The following CHAF1A variants were observed in gnomAD, a reference collection of about 807,000 sequenced individuals.
CHAF1A encodes the protein chromatin assembly factor 1 subunit A.
Under a neutral mutation model 93.2 loss-of-function variants are expected in CHAF1A, and 5 were observed. The ratio of observed to expected loss-of-function variants is 0.05; its 90% CI spans 0.03 to 0.11. The LOEUF is 0.11. CHAF1A is among the 10% of genes least tolerant of loss of function. The pLI is 1.00. For synonymous variants in CHAF1A, 504 were observed against 510.3 expected, an observed-to-expected ratio of 0.99 and a Z score of 0.17; for missense variants, 1,102 against 1,259.9, an observed-to-expected ratio of 0.87 and a Z score of 1.90.
chr19:4,432,448 G>T (rs953842986), intron 12 of CHAF1A, among the ~76,000 whole-genome samples: 1 of 152,128 alleles, frequency 6.6e-6, no homozygotes, highest in Non-Finnish European at 1.5e-5. Flanking sequence ...GTGCTGGAGT[G>T]GGGGCTGTGC....
Position 4,409,555 on chromosome 19 carries a change from A to G in CHAF1A, c.756A>G (p.Gln252=), listed in dbSNP as rs1286828364. The G allele has an allele frequency of 6.2e-6, 10 of 1,614,062 alleles. No homozygotes were observed. Among genetic ancestry groups the G allele is most frequent in the Non-Finnish European group, 7.6e-6 (9 of 1,179,986 alleles). The change falls in exon 3 of 15, where the codon CAA becomes CAG. Residue 252 remains glutamine, a synonymous_variant. Coordinates refer to ENST00000301280, the MANE Select transcript of CHAF1A (RefSeq NM_005483.3). ...ACATCTTGGCTGTGAGACCACCGCA[A>G]ATCAAGTCCCTTCCAGCCACACCCC... ...LQDILAVRPP[Q]IKSLPATPQG...
chr19:4,429,627 C>G, intron 9 of CHAF1A, 21 bp downstream of exon 9: 1 of 1,614,102 alleles, frequency 6.2e-7, no homozygotes. Flanking sequence ...CCCAGAGTGC[C>G]TCCGTCCCCG....
chr19:4,404,380 A>G (rs1311574883), intron 1 of CHAF1A, among the ~76,000 whole-genome samples: 1 of 152,180 alleles, frequency 6.6e-6, no homozygotes, highest in African/African-American at 2.4e-5. Context: ...CACTTGCACC[A>G]AAGCTAGTGA....
intron 7 of CHAF1A, among the ~76,000 whole-genome samples, chr19:4,426,509 T>C (rs1974084230): frequency 6.9e-6 from 1 of 145,954 alleles, no homozygotes; most frequent in Non-Finnish European, 1.5e-5. Context: ...AAAGTTTCGC[T>C]CATTGCCCAG....
Position 4,409,549 on chromosome 19 carries a change from A to G in CHAF1A, c.750A>G (p.Pro250=). 2.0e-5 allele frequency: 33 copies of G among 1,613,940 alleles called. No homozygotes were observed. The highest frequency in any genetic ancestry group is 2.8e-5 in the Non-Finnish European group (33 of 1,179,972). The change falls in exon 3 of 15, where the codon CCA becomes CCG. Residue 250 remains proline, a synonymous_variant. Coordinates refer to ENST00000301280, the MANE Select transcript of CHAF1A (RefSeq NM_005483.3). The stretch of plus-strand genomic sequence containing the variant: ...TGCAGGACATCTTGGCTGTGAGACC[A>G]CCGCAAATCAAGTCCCTTCCAGCCA... ...VVLQDILAVR[P]PQIKSLPATP...
chr19:4,446,435 C>A (rs243388), downstream of CHAF1A: 1 of 1,577,968 alleles, frequency 6.3e-7, no homozygotes, highest in South Asian at 1.1e-5. Context: ...GGCCAGGTCA[C>A]GAGGGCTGGC....
downstream of CHAF1A, chr19:4,446,530 G>A (rs1360520069): frequency 1.9e-6 from 3 of 1,611,730 alleles, no homozygotes; most frequent in Non-Finnish European, 8.5e-7. Flanking sequence ...GATCTCCTCT[G>A]CTGTGAGGTT....
At chr19:4,432,354 G>T (rs1250293050) in intron 12 of CHAF1A, 147 bp downstream of exon 12, 1 of 948,268 alleles carries the variant, frequency 1.1e-6, no homozygotes, top group Admixed American at 2.9e-5. Context: ...GTACATGTCC[G>T]TACGTTCAAT....
chr19:4,406,015 G>A (rs1599635303), intron 2 of CHAF1A, 53 bp downstream of exon 2: 3 of 1,453,572 alleles, frequency 2.1e-6, no homozygotes, highest in East Asian at 2.3e-5. Context: ...AGTCTTCCTT[G>A]TCTCTTGTTG....
chr19:4,445,986 G>T, downstream of CHAF1A: 1 of 1,538,006 alleles, frequency 6.5e-7, no homozygotes. Flanking sequence ...GGGTGTCTGT[G>T]CCGGTCCCAG....
Position 4,443,391 on chromosome 19 carries a change from G to T in CHAF1A, c.*366G>T, listed in dbSNP as rs372928116. ...AGGCAGTGTATAAACTTATTCTCTAGCCCTGAGCTGCTCTGTCTGTCTTTT... is the reference window on the plus strand; with the variant it reads ...AGGCAGTGTATAAACTTATTCTCTATCCCTGAGCTGCTCTGTCTGTCTTTT... On this transcript the variant is annotated 3_prime_UTR_variant, in exon 15 of 15. Coordinates refer to ENST00000301280, the MANE Select transcript of CHAF1A (RefSeq NM_005483.3). 3 of 241,718 alleles carry T rather than the reference G, an allele frequency of 1.2e-5. No individual in the cohort carries two copies. The highest frequency in any genetic ancestry group is 2.4e-5 in the Non-Finnish European group (3 of 122,606). 15.0% of individuals were successfully genotyped at this position (241,718 alleles called of 1,614,324 possible).
At chr19:4,423,423 G>A (rs776392969) in intron 6 of CHAF1A, 28 bp downstream of exon 6, 20 of 1,611,994 alleles carry the variant, frequency 1.2e-5, no homozygotes, top group South Asian at 3.3e-5. Flanking sequence ...GAGCTTCCCC[G>A]TCCCAGCCCG....
downstream of CHAF1A, chr19:4,445,300 C>A: frequency 1.2e-6 from 1 of 850,144 alleles, no homozygotes; most frequent in South Asian, 1.7e-5. Flanking sequence ...GGGGCTTGGG[C>A]GCATCCCCAC....
At chr19:4,426,839 T>C (rs1974091456) in intron 7 of CHAF1A, among the ~76,000 whole-genome samples, 1 of 152,004 alleles carries the variant, frequency 6.6e-6, no homozygotes, top group Non-Finnish European at 1.5e-5. Context: ...GCCTGTAATC[T>C]CAGCATTTGG....
intron 3 of CHAF1A, among the ~76,000 whole-genome samples, chr19:4,410,894 T>C (rs1363608722): frequency 6.6e-6 from 1 of 152,246 alleles, no homozygotes; most frequent in East Asian, 1.9e-4. Context: ...TTGCATGGTC[T>C]GTCTCTGTTA....
Position 4,409,174 on chromosome 19 carries a change from G to A in CHAF1A, c.375G>A (p.Glu125=). The A allele has an allele frequency of 6.2e-7, 1 of 1,614,204 alleles. No individual in the cohort carries two copies. The highest frequency in any genetic ancestry group is 1.6e-4 in the Middle Eastern group (1 of 6,062). The part of the protein sequence containing the change: ...VIIDLTEDSN[E]QPDSLVDHNK... ...TTGATTTGACAGAGGACTCGAATGAGCAGCCAGACAGTCTTGTGGACCACA... is the reference window on the plus strand; with the variant it reads ...TTGATTTGACAGAGGACTCGAATGAACAGCCAGACAGTCTTGTGGACCACA... The change falls in exon 3 of 15, where the codon GAG becomes GAA. Residue 125 remains glutamate, a synonymous_variant. Coordinates refer to ENST00000301280, the MANE Select transcript of CHAF1A (RefSeq NM_005483.3).
In CHAF1A at chr19:4,409,738, C is replaced by T. The variant is rs764859999; in HGVS notation, c.939C>T (p.Pro313=). Residue 313 remains proline, a synonymous_variant, in exon 3 of 15, where the codon CCC becomes CCT. Transcript: ENST00000301280. ...PKQHSSTSPF[P]TSTPLRRITK... is the part of the protein sequence containing the mutation. ...AGCACAGCAGTACCAGTCCCTTCCC[C>T]ACCTCCACGCCCCTCCGCAGAGTGA... The T allele has an allele frequency of 1.2e-6, 2 of 1,612,260 alleles. No homozygotes were observed. The highest frequency in any genetic ancestry group is 1.7e-6 in the Non-Finnish European group (2 of 1,178,752).
At chr19:4,435,036 G>A (rs544439696) in intron 13 of CHAF1A, among the ~76,000 whole-genome samples, 2 of 145,300 alleles carry the variant, frequency 1.4e-5, no homozygotes, top group Admixed American at 6.8e-5. Flanking sequence ...CATACTTTTT[G>A]TCCTTACCAC....
At chr19:4,440,538 A>C (rs1189471221) in intron 13 of CHAF1A, among the ~76,000 whole-genome samples, 1 of 151,876 alleles carries the variant, frequency 6.6e-6, no homozygotes, top group Non-Finnish European at 1.5e-5. Context: ...GAACCCAGGA[A>C]GTGGAATTTG....
Sources: allele counts gnomAD v4.1 joint callset (sites outside exome capture counted in the v4.1 genomes callset), GRCh38; gene constraint gnomAD v4.1.1; transcripts MANE v1.5; gene names NCBI Gene and HGNC (gene_info 2026-07-23, HGNC 2026-07-21).